Variants in DAB1 observed in about 807,000 individuals in gnomAD.
DAB1 encodes the protein DAB adaptor protein 1.
Under a neutral mutation model 64.6 loss-of-function variants are expected in DAB1, and 15 were observed. The observed-to-expected ratio is 0.23, with a 90% CI of 0.16 to 0.36. The LOEUF (loss-of-function observed/expected upper bound fraction) is 0.36, where lower values mean the gene tolerates loss of function less well. Among genes scored for constraint, DAB1 ranks in the 10% least tolerant of loss-of-function variants. DAB1 has a pLI of 1.00. For missense variants in DAB1, 596 were observed against 706.7 expected (o/e 0.84, Z 1.78); for synonymous variants, 235 against 251.9 (o/e 0.93, Z 0.64).
At chr1:57,058,671 G>A (rs1370527969) in intron 9 of DAB1, among the ~76,000 whole-genome samples, 1 of 152,148 alleles carries the variant, frequency 6.6e-6, no homozygotes, top group Non-Finnish European at 1.5e-5. Context: ...TAAACTCTCA[G>A]AACTCAGTGA....
At chr1:58,319,182 T>C (rs1392354575) in intron 4 of DAB1, among the ~76,000 whole-genome samples, 1 of 152,124 alleles carries the variant, frequency 6.6e-6, no homozygotes, top group African/African-American at 2.4e-5. Flanking sequence ...TTAGATGTCA[T>C]CTAAGGCCTT....
intron 6 of DAB1, among the ~76,000 whole-genome samples, chr1:57,689,836 T>C (rs1044078618): frequency 6.6e-6 from 1 of 152,188 alleles, no homozygotes; most frequent in Non-Finnish European, 1.5e-5. Flanking sequence ...TGTTGTACTA[T>C]CAAATACTAG....
intron 7 of DAB1, among the ~76,000 whole-genome samples, chr1:57,578,903 G>C (rs1417474370): frequency 1.3e-5 from 2 of 152,198 alleles, no homozygotes; most frequent in Non-Finnish European, 2.9e-5. Context: ...GTCAGCATTT[G>C]CTACCTGCTG....
chr1:58,114,733 C>A (rs1652214204), intron 5 of DAB1, among the ~76,000 whole-genome samples: 2 of 152,206 alleles, frequency 1.3e-5, no homozygotes, highest in African/African-American at 4.8e-5. Context: ...GCAGCAGACA[C>A]TGCAAAGACT....
chr1:58,233,187 T>C (rs1659859335), intron 4 of DAB1, among the ~76,000 whole-genome samples: 1 of 152,192 alleles, frequency 6.6e-6, no homozygotes, highest in South Asian at 2.1e-4. Flanking sequence ...AATCTCCTAA[T>C]GTAAATTAAG....
At chr1:57,584,688 G>A (rs866945848) in intron 7 of DAB1, among the ~76,000 whole-genome samples, 1 of 152,296 alleles carries the variant, frequency 6.6e-6, no homozygotes, top group Middle Eastern at 3.4e-3. Flanking sequence ...AAGGAACAAG[G>A]TGCCAAGCCA....
intron 6 of DAB1, among the ~76,000 whole-genome samples, chr1:57,678,822 A>G (rs1646601733): frequency 7.0e-6 from 1 of 143,010 alleles, no homozygotes; most frequent in African/African-American, 2.7e-5. Context: ...GCTGGAGTAC[A>G]GTGAAGAGAT....
chr1:57,463,638 CTCT>C (rs771231655), intron 7 of DAB1, among the ~76,000 whole-genome samples: 1 of 152,148 alleles, frequency 6.6e-6, no homozygotes, highest in East Asian at 1.9e-4. Context: ...TAAAGAGCGA[CTCT>C]TCTTTGAATT....
At chr1:57,899,293 C>T (rs1644438674) in intron 5 of DAB1, among the ~76,000 whole-genome samples, 1 of 152,006 alleles carries the variant, frequency 6.6e-6, no homozygotes, top group African/African-American at 2.4e-5. Context: ...GTAAAGCTTA[C>T]AGTTCTAAAC....
chr1:57,910,515 A>G (rs1416733957), intron 5 of DAB1, among the ~76,000 whole-genome samples: 1 of 152,140 alleles, frequency 6.6e-6, no homozygotes, highest in Non-Finnish European at 1.5e-5. Flanking sequence ...CAAACAGTCA[A>G]CTGTGTGCTG....
rs1363953785 is a variant in DAB1, at chr1:58,254,826, T to C, written n.309+88526A>G. 2.5e-5 allele frequency among the ~76,000 whole-genome samples: 2 copies of C among 80,080 alleles called. 1 individual carries two copies. The highest frequency in any genetic ancestry group is 4.4e-5 in the Non-Finnish European group (2 of 45,938). The allele number at this position is 80,080 out of a possible 152,430, so 52.5% of individuals were successfully genotyped here. A position where few individuals can be genotyped will look rare whatever the true frequency, so the allele number is the denominator to read the frequency against. ...ATTTGGGTTGGTTCCAAGTCTTTGC[T>C]ATTGTGAATAATGCCGCAATAAACA... is the stretch of plus-strand genomic sequence containing the variant. On this transcript the variant is annotated intron_variant and non_coding_transcript_variant, in intron 4 of 20. Coordinates refer to the DAB1 transcript ENST00000485760.
intron 4 of DAB1, among the ~76,000 whole-genome samples, chr1:58,197,019 A>G (rs1317681891): frequency 6.6e-6 from 1 of 152,192 alleles, no homozygotes. Context: ...TTCTAGGTTC[A>G]TATTCTGAAA....
At chr1:57,471,407 A>G (rs936930928) in intron 7 of DAB1, among the ~76,000 whole-genome samples, 1 of 152,220 alleles carries the variant, frequency 6.6e-6, no homozygotes, top group Non-Finnish European at 1.5e-5. Flanking sequence ...AATGCACTTC[A>G]TAATTGTGGG....
chr1:58,094,108 T>C (rs1290299226), intron 5 of DAB1, among the ~76,000 whole-genome samples: 1 of 152,152 alleles, frequency 6.6e-6, no homozygotes, highest in Non-Finnish European at 1.5e-5. Context: ...CTCTACTGGA[T>C]AGGCCTACTG....
At chr1:57,053,666 G>GTGTATATATATATATA (rs1553134281) in intron 9 of DAB1, among the ~76,000 whole-genome samples, 1 of 99,192 alleles carries the variant, frequency 1.0e-5, no homozygotes, top group African/African-American at 4.3e-5. Context: ...CTCTCTATAT[G>GTGTATATATATATATA]TATATATATA....
chr1:58,255,444 C>T (rs1660907438), intron 4 of DAB1, among the ~76,000 whole-genome samples: 1 of 151,986 alleles, frequency 6.6e-6, no homozygotes, highest in African/African-American at 2.4e-5. Flanking sequence ...CTCTCTCTCT[C>T]TCTCTCTCCT....
intron 5 of DAB1, among the ~76,000 whole-genome samples, chr1:57,983,536 G>A (rs1032236827): frequency 1.1e-4 from 17 of 152,236 alleles, no homozygotes; most frequent in African/African-American, 3.4e-4. Context: ...CTCTCCTGCA[G>A]CCAGGAAGCA....
chr1:57,544,556 G>T (rs1281861968), intron 7 of DAB1, among the ~76,000 whole-genome samples: 1 of 152,122 alleles, frequency 6.6e-6, no homozygotes, highest in Non-Finnish European at 1.5e-5. Context: ...CCCACATAGC[G>T]GCCAGAGTGG....
intron 6 of DAB1, among the ~76,000 whole-genome samples, chr1:57,799,081 T>C (rs1651004327): frequency 6.6e-6 from 1 of 152,184 alleles, no homozygotes; most frequent in South Asian, 2.1e-4. Flanking sequence ...TGTGTGACCT[T>C]AGGCCAGTTA....
Sources: allele counts gnomAD v4.1 joint callset (sites outside exome capture counted in the v4.1 genomes callset), GRCh38; gene constraint gnomAD v4.1.1; transcripts MANE v1.5; gene names NCBI Gene and HGNC (gene_info 2026-07-23, HGNC 2026-07-21).